ABI2: variants seen among roughly 807,000 people sequenced by gnomAD.
ABI2 encodes abelson interactor 2.
Under a neutral mutation model 59.2 loss-of-function variants are expected in ABI2, and 25 were observed. That is an observed-to-expected ratio of 0.42 (90% CI 0.31 to 0.59). ABI2 has a LOEUF of 0.59. Ranked by LOEUF, ABI2 falls within the 20% of genes least tolerant of loss-of-function variation. ABI2 has a pLI of 0.14. For synonymous variants in ABI2, 213 were observed against 235.5 expected, an observed-to-expected ratio of 0.90 and a Z score of 0.87; for missense variants, 545 against 681.8, an observed-to-expected ratio of 0.80 and a Z score of 2.23.
intron 1 of ABI2, among the ~76,000 whole-genome samples, chr2:203,332,606 C>G (rs2074351283): frequency 6.6e-6 from 1 of 152,132 alleles, no homozygotes; most frequent in Admixed American, 6.5e-5. Context: ...GCCTGGGCGA[C>G]AGAGCAAGAC....
chr2:203,358,142 G>T (rs1173556551), intron 1 of ABI2, among the ~76,000 whole-genome samples: 1 of 143,412 alleles, frequency 7.0e-6, no homozygotes, highest in African/African-American at 2.7e-5. Context: ...TTTGAGACAG[G>T]GCCTTGCTCT....
chr2:203,377,646 C>G (rs2095799405), intron 2 of ABI2, among the ~76,000 whole-genome samples: 1 of 152,212 alleles, frequency 6.6e-6, no homozygotes, highest in East Asian at 1.9e-4. Context: ...TGGCTTACTC[C>G]TGTAATCCCA....
intron 2 of ABI2, among the ~76,000 whole-genome samples, chr2:203,371,575 C>A (rs999615718): frequency 6.6e-6 from 1 of 152,078 alleles, no homozygotes; most frequent in East Asian, 1.9e-4. Context: ...GAAATTTCAT[C>A]TCTAGCTTTG....
At chr2:203,414,957 A>G (rs1457596194) in intron 10 of ABI2, among the ~76,000 whole-genome samples, 1 of 152,260 alleles carries the variant, frequency 6.6e-6, no homozygotes, top group Non-Finnish European at 1.5e-5. Context: ...TGGCAGTTAC[A>G]AGAAAAGTAA....
Position 203,408,833 on chromosome 2 carries a change from C to CTTTTTTTT in ABI2, c.1193-2443_1193-2436dup, listed in dbSNP as rs1156536730. 1.8e-4 allele frequency among the ~76,000 whole-genome samples: 16 copies of CTTTTTTTT among 87,146 alleles called. 2 individuals are homozygous for CTTTTTTTT. Among genetic ancestry groups the CTTTTTTTT allele is most frequent in the Middle Eastern group, 0.014 (1 of 74 alleles). The allele number at this position is 87,146 out of a possible 152,430, so 57.2% of individuals were successfully genotyped here. On this transcript the variant is annotated intron_variant, in intron 9 of 11. Transcript: ENST00000261018. ...TTTTGTCTATGCTACCTTCTCCTTT[C>CTTTTTTTT]TTTTTTTTTTTTTTTTGAGACGGAG... is the stretch of plus-strand genomic sequence containing the variant.
chr2:203,408,650 C>T (rs1308773011), intron 9 of ABI2, among the ~76,000 whole-genome samples: 3 of 151,644 alleles, frequency 2.0e-5, no homozygotes, highest in Non-Finnish European at 2.9e-5. Context: ...GGTAGAGAAA[C>T]AGTGACTGAA....
At chr2:203,372,469 C>A (rs1438216991) in intron 2 of ABI2, among the ~76,000 whole-genome samples, 2 of 152,092 alleles carry the variant, frequency 1.3e-5, no homozygotes, top group East Asian at 3.9e-4. Flanking sequence ...GGGTGGTGGC[C>A]GGGCAGAGGG....
Position 203,401,224 on chromosome 2 carries a change from C to T in ABI2, c.1034-1352C>T, listed in dbSNP as rs576295545. On this transcript the variant is annotated intron_variant, in intron 8 of 11. Transcript: ENST00000261018. ...TTTTTTTCCTTTTCACTTATCTCCT[C>T]CTTTTCTCCCTTTCTCTTTCTCCTT... 3.3e-5 allele frequency among the ~76,000 whole-genome samples: 5 copies of T among 151,914 alleles called. No homozygotes were observed. The South Asian group carries it at 1.0e-3, about 32-fold the overall frequency.
chr2:203,390,397 C>T (rs931883130), intron 4 of ABI2, among the ~76,000 whole-genome samples: 3 of 152,092 alleles, frequency 2.0e-5, no homozygotes, highest in Non-Finnish European at 2.9e-5. Context: ...TTTGGGAGGC[C>T]GAGGCTGGTG....
chr2:203,375,452 A>G (rs2095617236), intron 2 of ABI2, among the ~76,000 whole-genome samples: 1 of 152,174 alleles, frequency 6.6e-6, no homozygotes, highest in African/African-American at 2.4e-5. Context: ...TACTTTTCTT[A>G]CTTTTAAAAT....
intron 10 of ABI2, among the ~76,000 whole-genome samples, chr2:203,414,375 T>TA (rs1219116118): frequency 5.3e-5 from 8 of 152,146 alleles, no homozygotes; most frequent in African/African-American, 1.9e-4. Flanking sequence ...GTGCTGGGAT[T>TA]ACAGGCGTGA....
intron 2 of ABI2, among the ~76,000 whole-genome samples, chr2:203,377,365 G>C (rs556182878): frequency 7.6e-4 from 116 of 152,226 alleles, no homozygotes; most frequent in African/African-American, 2.6e-3. Context: ...CTATAAGCTT[G>C]TAATTCTGTT....
intron 4 of ABI2, among the ~76,000 whole-genome samples, chr2:203,389,480 A>G (rs2096657315): frequency 6.6e-6 from 1 of 152,228 alleles, no homozygotes; most frequent in South Asian, 2.1e-4. Flanking sequence ...AATTCCACTT[A>G]AGCCAGGGTT....
chr2:203,345,937 T>C (rs188605889), intron 1 of ABI2, among the ~76,000 whole-genome samples: 27 of 151,772 alleles, frequency 1.8e-4, no homozygotes, highest in Non-Finnish European at 2.6e-4. Context: ...CCCAGCACTT[T>C]AGGAGGCCGA....
chr2:203,368,164 G>T (rs868427169), intron 2 of ABI2, among the ~76,000 whole-genome samples: 8 of 152,064 alleles, frequency 5.3e-5, no homozygotes, highest in African/African-American at 1.9e-4. Flanking sequence ...ATAATGTTGC[G>T]TGTATATGTT....
At chr2:203,359,309 C>T (rs982126097) in intron 1 of ABI2, among the ~76,000 whole-genome samples, 2 of 152,096 alleles carry the variant, frequency 1.3e-5, no homozygotes, top group East Asian at 3.9e-4. Flanking sequence ...ACTTCTAATT[C>T]CCAAGTTGAT....
intron 8 of ABI2, among the ~76,000 whole-genome samples, chr2:203,401,691 T>G (rs1453547197): frequency 6.6e-6 from 1 of 152,220 alleles, no homozygotes; most frequent in Non-Finnish European, 1.5e-5. Flanking sequence ...TTTTTAGATT[T>G]TAATTTTAAG....
intron 1 of ABI2, among the ~76,000 whole-genome samples, chr2:203,350,540 CTTTT>C (rs1213913573): frequency 1.4e-5 from 2 of 138,756 alleles, no homozygotes; most frequent in Non-Finnish European, 3.1e-5. Flanking sequence ...TCTTTCTTTT[CTTTT>C]TTTTTTTTTT....
intron 1 of ABI2, among the ~76,000 whole-genome samples, chr2:203,341,765 T>C (rs1284513694): frequency 6.6e-6 from 1 of 152,208 alleles, no homozygotes; most frequent in Non-Finnish European, 1.5e-5. Flanking sequence ...AGATTTATGC[T>C]CTGGAAAATG....
Sources: allele counts gnomAD v4.1 joint callset (sites outside exome capture counted in the v4.1 genomes callset), GRCh38; gene constraint gnomAD v4.1.1; transcripts MANE v1.5; gene names NCBI Gene and HGNC (gene_info 2026-07-23, HGNC 2026-07-21).